IMPA2: variants seen among roughly 807,000 people sequenced by gnomAD.
The protein encoded by IMPA2 is IMP 2.
In IMPA2, 32 loss-of-function variants were observed where a neutral mutation model predicts 35.1. The ratio of observed to expected loss-of-function variants is 0.91; its 90% confidence interval spans 0.69 to 1.23. The LOEUF (loss-of-function observed/expected upper bound fraction) is 1.23. Ranked by LOEUF, IMPA2 falls within the 50% of genes most tolerant of loss-of-function variation. The pLI, the probability that IMPA2 is intolerant of heterozygous loss-of-function variation, is 0.00. For synonymous variants in IMPA2, 135 were observed against 160.6 expected, an observed-to-expected ratio of 0.84 and a Z score of 1.20; for missense variants, 334 against 387.6, an observed-to-expected ratio of 0.86 and a Z score of 1.16.
intron 2 of IMPA2, among the ~76,000 whole-genome samples, chr18:12,004,637 TCTC>T: frequency 6.6e-6 from 1 of 152,052 alleles, no homozygotes; most frequent in African/African-American, 2.4e-5. Flanking sequence ...TTCAAGCGAT[TCTC>T]CTGCCTTCCA....
At chr18:12,028,776 TC>T in intron 6 of IMPA2, 65 bp from the exon 7 acceptor site, 1 of 1,534,354 alleles carries the variant, frequency 6.5e-7, no homozygotes, top group Admixed American at 2.0e-5. Context: ...CTGGCTGAAG[TC>T]GGCTTGCACA....
At chr18:12,011,981 C>T (rs574605480) in intron 3 of IMPA2, among the ~76,000 whole-genome samples, 189 bp from the exon 4 acceptor site, 1 of 152,244 alleles carries the variant, frequency 6.6e-6, no homozygotes. Context: ...AACTGTCTTA[C>T]GACATGGTCA....
intron 2 of IMPA2, among the ~76,000 whole-genome samples, chr18:12,006,675 C>T (rs1016031607): frequency 3.3e-5 from 5 of 152,122 alleles, no homozygotes; most frequent in African/African-American, 9.7e-5. Flanking sequence ...GTGCACTTGT[C>T]GTATCCCAGG....
chr18:11,994,890 C>G (rs1906916909), intron 1 of IMPA2: 1 of 152,618 alleles, frequency 6.6e-6, no homozygotes, highest in African/African-American at 2.4e-5. Flanking sequence ...GTGAGTGCCC[C>G]TCTGCCCGCA....
chr18:12,014,244 T>G (rs775952117), intron 4 of IMPA2, 21 bp from the exon 5 acceptor site: 26 of 1,563,294 alleles, frequency 1.7e-5, no homozygotes, highest in Non-Finnish European at 2.3e-5. Context: ...TTGTTTTCTG[T>G]CCTGCCTCTG....
intron 2 of IMPA2, among the ~76,000 whole-genome samples, chr18:12,003,737 G>A (rs1020083559): frequency 6.6e-6 from 1 of 151,102 alleles, no homozygotes; most frequent in South Asian, 2.1e-4. Context: ...GGAGTGTGCT[G>A]TTGGCCTTGG....
At chr18:12,007,731 T>G (rs963488416) in intron 2 of IMPA2, among the ~76,000 whole-genome samples, 5 of 149,248 alleles carry the variant, frequency 3.4e-5, no homozygotes, top group African/African-American at 1.2e-4. Context: ...TATTTCTCTC[T>G]CTCTCCTTCC....
At chr18:12,027,466 A>T (rs1907911386) in intron 5 of IMPA2, among the ~76,000 whole-genome samples, 1 of 151,758 alleles carries the variant, frequency 6.6e-6, no homozygotes, top group Non-Finnish European at 1.5e-5. Context: ...TATCGTTGCG[A>T]TTGCAGCAGT....
At chr18:11,987,605 A>G (rs953656118) in intron 1 of IMPA2, among the ~76,000 whole-genome samples, 5 of 152,170 alleles carry the variant, frequency 3.3e-5, no homozygotes, top group Non-Finnish European at 7.3e-5. Flanking sequence ...TGCTGGGATT[A>G]CAGGCACGAG....
chr18:11,993,070 C>A (rs1336148325), intron 1 of IMPA2, among the ~76,000 whole-genome samples: 1 of 116,098 alleles, frequency 8.6e-6, no homozygotes, highest in Non-Finnish European at 1.7e-5. Flanking sequence ...GATACATGTT[C>A]TCACAACTGA....
In IMPA2 at chr18:12,009,936, G is replaced by C; in HGVS notation, c.284G>C (p.Ser95Thr). 1 of 1,614,150 alleles carries C rather than the reference G, an allele frequency of 6.2e-7. No individual in the cohort carries two copies. Among genetic ancestry groups the C allele is most frequent in the Non-Finnish European group, 8.5e-7 (1 of 1,180,052 alleles). The change falls in exon 3 of 8, where the codon AGC (serine) becomes ACC (threonine). Residue 95 changes from serine (S) to threonine (T), a missense_variant. Ser to Thr is a moderately conservative substitution (Grantham distance 58, BLOSUM62 1). Transcript: ENST00000269159. ...ASGAKCVLTH[S>T]PTWIIDPIDG... ...GGGGCCAAGTGTGTGCTCACCCACAGCCCGACGTGGATCATCGACCCCATC... is the reference window on the plus strand; with the variant it reads ...GGGGCCAAGTGTGTGCTCACCCACACCCCGACGTGGATCATCGACCCCATC...
At chr18:12,001,411 G>T (rs964548303) in intron 2 of IMPA2, among the ~76,000 whole-genome samples, 5 of 152,058 alleles carry the variant, frequency 3.3e-5, no homozygotes, top group Non-Finnish European at 5.9e-5. Context: ...GGGAGGGCTG[G>T]CTCATCTGCG....
At chr18:11,996,757 C>T (rs1225254099) in intron 1 of IMPA2, among the ~76,000 whole-genome samples, 1 of 152,150 alleles carries the variant, frequency 6.6e-6, no homozygotes, top group Non-Finnish European at 1.5e-5. Flanking sequence ...ATCCCAGAGG[C>T]TCTGCTGCCA....
chr18:11,985,222 A>G (rs1347531998), intron 1 of IMPA2, among the ~76,000 whole-genome samples: 1 of 152,078 alleles, frequency 6.6e-6, no homozygotes, highest in African/African-American at 2.4e-5. Context: ...TATTTAGAAT[A>G]AGAACAATCA....
intron 1 of IMPA2, among the ~76,000 whole-genome samples, chr18:11,992,624 A>G (rs977270826): frequency 2.0e-5 from 3 of 152,202 alleles, no homozygotes; most frequent in African/African-American, 7.2e-5. Context: ...ACAGAATGCT[A>G]CTGGAAGGAG....
intron 1 of IMPA2, among the ~76,000 whole-genome samples, chr18:11,995,975 C>G (rs1057186187): frequency 2.0e-5 from 3 of 152,204 alleles, no homozygotes; most frequent in African/African-American, 7.2e-5. Flanking sequence ...GCTCTGCCCT[C>G]AGAAGCCTCT....
chr18:12,004,423 T>G (rs2143796508), intron 2 of IMPA2, among the ~76,000 whole-genome samples: 1 of 152,362 alleles, frequency 6.6e-6, no homozygotes, highest in South Asian at 2.1e-4. Context: ...TACCAAACTT[T>G]TAGCCTTAAT....
At position 12,010,723 on chromosome 18, in the gene IMPA2, G is replaced by GTGCACGCCAGCAC. The variant is rs1411037443; in HGVS notation, c.335+737_335+749dup. On this transcript the variant is annotated intron_variant, in intron 3 of 7. Coordinates refer to ENST00000269159, the MANE Select transcript of IMPA2 (RefSeq NM_014214.3). This position sits in a 1 kb window ranked among gnomAD's most constrained non-coding sequence, Gnocchi z 4.8. ...GTGGCTTGCAGCTCCTGCGCTCACA[G>GTGCACGCCAGCAC]TGCACGCCAGCACACTAGGCTGCAC... Among the ~76,000 whole-genome samples, 1 of 152,186 alleles carries GTGCACGCCAGCAC rather than the reference G, an allele frequency of 6.6e-6. No homozygotes were observed. The highest frequency in any genetic ancestry group is 1.5e-5 in the Non-Finnish European group (1 of 68,032).
intron 1 of IMPA2, among the ~76,000 whole-genome samples, chr18:11,993,673 G>A (rs7243250): frequency 0.098 from 14,971 of 152,298 alleles, 802 homozygotes; most frequent in African/African-American, 0.12. Context: ...CCAGGGCAGT[G>A]GGCGGACGGC....
Sources: allele counts gnomAD v4.1 joint callset (sites outside exome capture counted in the v4.1 genomes callset), GRCh38; gene constraint gnomAD v4.1.1; non-coding constraint Gnocchi (gnomAD v3.1); transcripts MANE v1.5; gene names NCBI Gene and HGNC (gene_info 2026-07-23, HGNC 2026-07-21).